CSMD1: variants seen among roughly 807,000 people sequenced by gnomAD.
CSMD1 encodes CUB and sushi domain-containing protein 1.
Under a neutral mutation model 417.5 loss-of-function variants are expected in CSMD1, and 213 were observed. The observed-to-expected ratio is 0.51, with a 90% CI of 0.46 to 0.57. The LOEUF (loss-of-function observed/expected upper bound fraction) is 0.57, where lower values mean the gene tolerates loss of function less well. Ranked by LOEUF, CSMD1 falls within the 20% of genes least tolerant of loss-of-function variation. The probability of loss-of-function intolerance (pLI) is 0.00; values close to 1 mark genes in which losing one functional copy is unlikely to be tolerated. For missense variants in CSMD1, 6,923 were observed against 4,529.7 expected (o/e 1.53, Z -15.17); for synonymous variants, 2,862 against 1,736.8 (o/e 1.65, Z -16.11).
chr8:3,447,223 T>C lies in CSMD1; in HGVS notation c.1561+21489A>G, dbSNP rs535382524. Reference sequence around the variant, plus strand: ...TGATGAACCAGCATGCGTCTGCATCTATCAAACACAAATTAACAGAAAATA... The same window carrying C: ...TGATGAACCAGCATGCGTCTGCATCCATCAAACACAAATTAACAGAAAATA... On this transcript the variant is annotated intron_variant, in intron 12 of 69. Coordinates refer to ENST00000635120, the MANE Select transcript of CSMD1 (RefSeq NM_033225.6). Among the ~76,000 whole-genome samples, 14 of 152,306 alleles carry C rather than the reference T, an allele frequency of 9.2e-5. No homozygotes were observed. In the South Asian group the frequency reaches 2.9e-3, roughly 32 times the overall value.
At chr8:3,088,291 C>T (rs1225132703) in intron 48 of CSMD1, among the ~76,000 whole-genome samples, 1 of 152,140 alleles carries the variant, frequency 6.6e-6, no homozygotes, top group Non-Finnish European at 1.5e-5. Flanking sequence ...AAGGCGAGGT[C>T]ACTACTACAC....
intron 5 of CSMD1, among the ~76,000 whole-genome samples, chr8:3,933,603 G>C (rs1424522609): frequency 7.2e-5 from 11 of 152,116 alleles, no homozygotes; most frequent in Admixed American, 6.5e-4. Context: ...GAACTGTTAA[G>C]ATTTGCTTCT....
At chr8:3,597,783 C>A (rs575513719) in intron 8 of CSMD1, among the ~76,000 whole-genome samples, 2 of 151,450 alleles carry the variant, frequency 1.3e-5, no homozygotes, top group East Asian at 2.0e-4. Flanking sequence ...GGGAGTTGAA[C>A]AATGAGAATA....
intron 52 of CSMD1, among the ~76,000 whole-genome samples, chr8:3,017,806 TAAA>T (rs777717027): frequency 0.025 from 1,938 of 76,262 alleles, 25 homozygotes; most frequent in African/African-American, 0.072. Context: ...TTGAGTGATT[TAAA>T]AAAAAAAAAA....
intron 10 of CSMD1, among the ~76,000 whole-genome samples, chr8:3,565,987 A>G (rs1036199552): frequency 2.0e-5 from 3 of 152,156 alleles, no homozygotes; most frequent in African/African-American, 7.2e-5. Context: ...TTTCATCAAT[A>G]TAATACATTG....
chr8:3,032,877 A>G (rs1193094542), intron 50 of CSMD1, among the ~76,000 whole-genome samples: 2 of 152,098 alleles, frequency 1.3e-5, no homozygotes, highest in Non-Finnish European at 2.9e-5. Context: ...TATACCCTTC[A>G]TTAAAAATTT....
At chr8:2,960,499 G>C (rs10095796) in intron 62 of CSMD1, among the ~76,000 whole-genome samples, 5,598 of 152,230 alleles carry the variant, frequency 0.037, 319 homozygotes, top group African/African-American at 0.13. Flanking sequence ...ACTTAAGATG[G>C]TTAAAACATT....
chr8:3,948,074 C>A (rs1811358377), intron 5 of CSMD1, among the ~76,000 whole-genome samples: 1 of 152,064 alleles, frequency 6.6e-6, no homozygotes, highest in Non-Finnish European at 1.5e-5. Flanking sequence ...GGCATGGTGG[C>A]AAGTGCCTTT....
intron 5 of CSMD1, among the ~76,000 whole-genome samples, chr8:3,890,348 C>T (rs1806880227): frequency 6.6e-6 from 1 of 151,982 alleles, no homozygotes; most frequent in Non-Finnish European, 1.5e-5. Context: ...AGGCACTGGG[C>T]AGGGTTTACT....
intron 10 of CSMD1, among the ~76,000 whole-genome samples, chr8:3,539,107 G>A (rs1459036154): frequency 6.6e-6 from 1 of 152,104 alleles, no homozygotes; most frequent in Non-Finnish European, 1.5e-5. Flanking sequence ...CCCTTTCCCT[G>A]CACCCGCGGA....
chr8:4,963,553 G>C (rs544144546), intron 1 of CSMD1, among the ~76,000 whole-genome samples: 2 of 152,020 alleles, frequency 1.3e-5, no homozygotes, highest in Non-Finnish European at 2.9e-5. Flanking sequence ...ACCTGCTTTT[G>C]TGTCTTTCCT....
intron 3 of CSMD1, among the ~76,000 whole-genome samples, chr8:4,370,859 C>T (rs1299935472): frequency 6.6e-6 from 1 of 152,192 alleles, no homozygotes; most frequent in Non-Finnish European, 1.5e-5. Context: ...GATTCTGTTT[C>T]AACCTCCTCT....
At chr8:3,318,853 G>A (rs907301348) in intron 23 of CSMD1, among the ~76,000 whole-genome samples, 54 of 152,276 alleles carry the variant, frequency 3.5e-4, no homozygotes, top group African/African-American at 1.2e-3. Context: ...GGAGCCCCCT[G>A]TGCTTTCCAC....
At chr8:4,763,798 C>G (rs1485182302) in intron 1 of CSMD1, among the ~76,000 whole-genome samples, 3 of 152,110 alleles carry the variant, frequency 2.0e-5, no homozygotes, top group Non-Finnish European at 4.4e-5. Context: ...ATCTAAAAGA[C>G]TGCAATTAAA....
intron 18 of CSMD1, among the ~76,000 whole-genome samples, chr8:3,375,828 C>A (rs1365397849): frequency 6.6e-6 from 1 of 152,166 alleles, no homozygotes; most frequent in African/African-American, 2.4e-5. Context: ...CATCATCTAC[C>A]TTCAGTGATT....
chr8:3,614,456 G>C (rs1171160738), intron 8 of CSMD1, among the ~76,000 whole-genome samples: 5 of 152,158 alleles, frequency 3.3e-5, no homozygotes, highest in Non-Finnish European at 4.4e-5. Flanking sequence ...GTAAAGATTG[G>C]CTTACTCACC....
intron 5 of CSMD1, among the ~76,000 whole-genome samples, chr8:3,808,444 C>G (rs1400114557): frequency 6.6e-6 from 1 of 152,114 alleles, no homozygotes; most frequent in African/African-American, 2.4e-5. Context: ...AATGAGTCTT[C>G]AAAAGCTGTG....
At chr8:3,942,847 C>T (rs1411136755) in intron 5 of CSMD1, among the ~76,000 whole-genome samples, 2 of 152,028 alleles carry the variant, frequency 1.3e-5, no homozygotes, top group Admixed American at 6.6e-5. Flanking sequence ...GCTATAGTAT[C>T]GTCCCACAAA....
intron 1 of CSMD1, among the ~76,000 whole-genome samples, chr8:4,678,358 C>T (rs1273641558): frequency 6.6e-6 from 1 of 152,028 alleles, no homozygotes; most frequent in Non-Finnish European, 1.5e-5. Flanking sequence ...TTGCAGTGAG[C>T]CAAGATCATG....
Sources: gnomAD v4.1 joint callset for allele counts (sites outside exome capture counted in the v4.1 genomes callset) on GRCh38, gnomAD v4.1.1 for gene constraint, MANE v1.5 for transcripts, NCBI Gene and HGNC (gene_info 2026-07-23, HGNC 2026-07-21) for gene names.